Variants in AGBL1 observed in about 807,000 individuals in gnomAD.
AGBL1 encodes cytosolic carboxypeptidase 4.
In AGBL1, 130 loss-of-function variants were observed where a neutral mutation model predicts 118.9. The observed-to-expected ratio is 1.09, with a 90% CI of 0.95 to 1.26. The LOEUF is 1.26. Among genes scored for constraint, AGBL1 ranks in the 50% most tolerant of loss-of-function variants. The probability of loss-of-function intolerance (pLI) is 0.00; values close to 1 mark genes in which losing one functional copy is unlikely to be tolerated. For synonymous variants in AGBL1, 555 were observed against 478.9 expected (o/e 1.16, Z -2.08); for missense variants, 1,584 against 1,298.1 (o/e 1.22, Z -3.38).
rs780619899 is a variant in AGBL1, at chr15:86,256,932, C to T, written c.815C>T (p.Pro272Leu). 7 of 1,613,962 alleles carry T rather than the reference C, an allele frequency of 4.3e-6. No individual in the cohort carries two copies. The highest frequency in any genetic ancestry group is 1.7e-4 in the Middle Eastern group (1 of 6,060). ...QILRQCYPTS[P>L]LPLVTASSAY... ...CTGAGGCAGTGCTACCCTACGAGTC[C>T]ACTTCCCTTGGTCACAGCCAGCAGT... Residue 272 changes from proline to leucine, a missense_variant, in exon 8 of 23, where the codon CCA becomes CTA. Pro to Leu is a moderately conservative substitution (Grantham distance 98, BLOSUM62 -3). Transcript: ENST00000614907.
chr15:86,976,746 A>AATAAAT (rs2081179920), intron 23 of AGBL1, among the ~76,000 whole-genome samples: 1 of 151,986 alleles, frequency 6.6e-6, no homozygotes, highest in Non-Finnish European at 1.5e-5. Context: ...TTAAATTCGT[A>AATAAAT]TCTTTTTTAT....
chr15:86,194,526 A>G (rs1021849123), intron 5 of AGBL1, among the ~76,000 whole-genome samples: 6 of 152,244 alleles, frequency 3.9e-5, no homozygotes, highest in African/African-American at 1.4e-4. Flanking sequence ...TGGTTTTAGA[A>G]GTAGAGCATT....
At chr15:86,426,216 TA>T (rs889092472) in intron 18 of AGBL1, among the ~76,000 whole-genome samples, 5 of 152,168 alleles carry the variant, frequency 3.3e-5, no homozygotes, top group African/African-American at 1.2e-4. Context: ...GAAGTTAATG[TA>T]AAAGCCCTCA....
chr15:86,768,707 T>G (rs2078130713), intron 22 of AGBL1, among the ~76,000 whole-genome samples: 1 of 151,988 alleles, frequency 6.6e-6, no homozygotes. Context: ...ATGGGAGTTA[T>G]AAAAATTAAA....
At chr15:86,242,273 A>G (rs1391445078) in intron 6 of AGBL1, among the ~76,000 whole-genome samples, 2 of 146,544 alleles carry the variant, frequency 1.4e-5, no homozygotes, top group African/African-American at 5.3e-5. Flanking sequence ...CCATTGGAAT[A>G]AAAAAAAAAT....
intron 5 of AGBL1, among the ~76,000 whole-genome samples, chr15:86,184,927 T>TA (rs1178531346): frequency 6.6e-6 from 1 of 152,032 alleles, no homozygotes; most frequent in African/African-American, 2.4e-5. Flanking sequence ...GGGATCTAAT[T>TA]AAAGAGCTTC....
chr15:86,614,363 G>C (rs2084695289), intron 21 of AGBL1, among the ~76,000 whole-genome samples: 1 of 151,896 alleles, frequency 6.6e-6, no homozygotes, highest in African/African-American at 2.4e-5. Context: ...CCAATACCTG[G>C]AATACTCCAC....
chr15:86,991,908 G>T (rs2081339446), intron 24 of AGBL1, among the ~76,000 whole-genome samples: 1 of 152,140 alleles, frequency 6.6e-6, no homozygotes, highest in African/African-American at 2.4e-5. Flanking sequence ...TGTCAATTTT[G>T]TCTTTCTCTG....
At chr15:86,905,753 A>G (rs765212480) in intron 22 of AGBL1, among the ~76,000 whole-genome samples, 1 of 152,190 alleles carries the variant, frequency 6.6e-6, no homozygotes, top group Non-Finnish European at 1.5e-5. Context: ...CTCCATACCT[A>G]GCATGATGGA....
chr15:86,868,713 C>T (rs1481715239), intron 22 of AGBL1, among the ~76,000 whole-genome samples: 1 of 152,170 alleles, frequency 6.6e-6, no homozygotes, highest in Non-Finnish European at 1.5e-5. Flanking sequence ...TCTGTGACTT[C>T]GCACTGTCTG....
intron 22 of AGBL1, among the ~76,000 whole-genome samples, chr15:86,757,683 C>A (rs530226739): frequency 2.0e-5 from 3 of 152,016 alleles, no homozygotes; most frequent in African/African-American, 7.2e-5. Flanking sequence ...TTCTCCATTC[C>A]GGAAAGTTGT....
chr15:86,920,221 C>G (rs543207234), downstream of AGBL1, among the ~76,000 whole-genome samples: 79 of 152,314 alleles, frequency 5.2e-4, no homozygotes, highest in Middle Eastern at 0.014. Context: ...GTAGTAGGCA[C>G]TGAGCTCCCC....
intron 18 of AGBL1, among the ~76,000 whole-genome samples, chr15:86,402,649 C>T (rs1158178754): frequency 1.3e-5 from 2 of 152,108 alleles, no homozygotes; most frequent in Non-Finnish European, 2.9e-5. Flanking sequence ...TTCTCTCTCA[C>T]CAATAAAAAT....
intron 5 of AGBL1, among the ~76,000 whole-genome samples, chr15:86,215,264 T>TGTGTGTGTGA (rs1444877454): frequency 1.7e-4 from 25 of 149,896 alleles, no homozygotes; most frequent in Non-Finnish European, 2.4e-4. Flanking sequence ...TGTGTGTGTG[T>TGTGTGTGTGA]GATTTTATGC....
At chr15:86,234,282 G>C (rs1597598578) in intron 6 of AGBL1, among the ~76,000 whole-genome samples, 1 of 152,204 alleles carries the variant, frequency 6.6e-6, no homozygotes, top group East Asian at 1.9e-4. Context: ...GCCGAGAGCG[G>C]TGGCTCATGC....
intron 22 of AGBL1, among the ~76,000 whole-genome samples, chr15:86,884,193 C>G (rs2347453): frequency 0.21 from 31,610 of 152,118 alleles, 3,514 homozygotes; most frequent in African/African-American, 0.28. Context: ...ACAAAGGTTA[C>G]TTGAACATAA....
intron 24 of AGBL1, among the ~76,000 whole-genome samples, chr15:86,989,920 G>A (rs1183824575): frequency 6.6e-6 from 1 of 152,176 alleles, no homozygotes; most frequent in East Asian, 1.9e-4. Flanking sequence ...GATGGCGAAG[G>A]GGTGGCAAGT....
chr15:86,219,237 T>G (rs2078239656), intron 5 of AGBL1, among the ~76,000 whole-genome samples: 1 of 152,160 alleles, frequency 6.6e-6, no homozygotes, highest in African/African-American at 2.4e-5. Flanking sequence ...CCTCACTTGG[T>G]ACCCATTCCA....
At chr15:86,753,953 A>G (rs1179998834) in intron 22 of AGBL1, among the ~76,000 whole-genome samples, 5 of 152,034 alleles carry the variant, frequency 3.3e-5, no homozygotes, top group Admixed American at 1.3e-4. Flanking sequence ...CATACCTCCT[A>G]TGTCCTAAGC....
Sources: allele counts gnomAD v4.1 joint callset (sites outside exome capture counted in the v4.1 genomes callset), GRCh38; gene constraint gnomAD v4.1.1; transcripts MANE v1.5; gene names NCBI Gene and HGNC (gene_info 2026-07-23, HGNC 2026-07-21).